The following GRID2 variants were observed in gnomAD, a reference collection of about 807,000 sequenced individuals.
GRID2 encodes glutamate receptor ionotropic, delta-2.
Under a neutral mutation model 114.8 loss-of-function variants are expected in GRID2, and 33 were observed. The ratio of observed to expected loss-of-function variants is 0.29; its 90% CI spans 0.22 to 0.38. The LOEUF is 0.38. GRID2 is among the 10% of genes least tolerant of loss of function. The pLI, the probability that GRID2 is intolerant of heterozygous loss-of-function variation, is 1.00. For synonymous variants in GRID2, 505 were observed against 449.9 expected, an observed-to-expected ratio of 1.12 and a Z score of -1.55; for missense variants, 1,184 against 1,257.7, an observed-to-expected ratio of 0.94 and a Z score of 0.89.
intron 14 of GRID2, among the ~76,000 whole-genome samples, chr4:93,658,337 C>T (rs1421487445): frequency 2.0e-5 from 3 of 152,122 alleles, no homozygotes; most frequent in Admixed American, 6.6e-5. Context: ...TATAAAATTA[C>T]AGGAATTTTA....
chr4:93,763,993 C>T (rs1005470843), intron 14 of GRID2, among the ~76,000 whole-genome samples: 3 of 152,060 alleles, frequency 2.0e-5, no homozygotes, highest in Non-Finnish European at 4.4e-5. Flanking sequence ...TCAGAGTGAC[C>T]TATGTGGGAT....
chr4:92,917,782 G>T (rs532603595), intron 2 of GRID2, among the ~76,000 whole-genome samples: 1 of 152,114 alleles, frequency 6.6e-6, no homozygotes, highest in Non-Finnish European at 1.5e-5. Flanking sequence ...GTCAGGTAGC[G>T]TGATGCCTCC....
chr4:93,722,072 C>T (rs1729426273), intron 14 of GRID2, among the ~76,000 whole-genome samples: 1 of 151,814 alleles, frequency 6.6e-6, no homozygotes, highest in Non-Finnish European at 1.5e-5. Context: ...GCATCCACCA[C>T]CACGCCGGGC....
intron 2 of GRID2, among the ~76,000 whole-genome samples, chr4:93,050,260 C>G (rs778057565): frequency 6.6e-6 from 1 of 151,968 alleles, no homozygotes; most frequent in South Asian, 2.1e-4. Context: ...AATAAAAGTT[C>G]CTGAAATCCT....
chr4:92,722,407 T>A (rs1351316168), intron 2 of GRID2, among the ~76,000 whole-genome samples: 19 of 151,884 alleles, frequency 1.3e-4, no homozygotes, highest in Non-Finnish European at 2.9e-5. Context: ...AGAAAAAAAA[T>A]AAAATGCCCT....
chr4:92,576,242 C>T (rs1727887301), intron 1 of GRID2, among the ~76,000 whole-genome samples: 1 of 152,208 alleles, frequency 6.6e-6, no homozygotes, highest in East Asian at 1.9e-4. Flanking sequence ...CAGCCATGTT[C>T]TGGCAAAGCA....
At chr4:93,112,503 C>G (rs1171731593) in intron 4 of GRID2, among the ~76,000 whole-genome samples, 1 of 152,110 alleles carries the variant, frequency 6.6e-6, no homozygotes, top group East Asian at 1.9e-4. Flanking sequence ...CTCCTGCCTC[C>G]TTGTGAAGAA....
intron 2 of GRID2, among the ~76,000 whole-genome samples, chr4:92,754,516 G>C (rs1737614763): frequency 6.6e-6 from 1 of 152,106 alleles, no homozygotes; most frequent in African/African-American, 2.4e-5. Flanking sequence ...CCTCATTTGT[G>C]AAATGGCAGT....
At position 92,729,499 on chromosome 4, in the gene GRID2, C is replaced by G. The variant is rs559057810; in HGVS notation, c.244+139213C>G. 8.5e-5 allele frequency among the ~76,000 whole-genome samples: 13 copies of G among 152,116 alleles called. No individual in the cohort carries two copies. In the South Asian group the frequency reaches 2.3e-3, roughly 27 times the overall value. ...TGGCTCAAATAACATTTCAAAGTCA[C>G]TTCTATGGGATAAGAAGCATGTTTT... On this transcript the variant is annotated intron_variant, in intron 2 of 15. Transcript: ENST00000282020.
In GRID2 at chr4:93,041,419, G is replaced by C. The variant is rs940747905; in HGVS notation, c.245-43576G>C. 5.9e-5 allele frequency among the ~76,000 whole-genome samples: 9 copies of C among 152,160 alleles called. 1 individual carries two copies. The East Asian group carries it at 1.2e-3, about 20-fold the overall frequency. On this transcript the variant is annotated intron_variant, in intron 2 of 15. Transcript: ENST00000282020. ...TTAAACTTGTTAATACCATTACTTA[G>C]GTTAGTGTCAACTGTCACTGGTTTC...
intron 6 of GRID2, among the ~76,000 whole-genome samples, chr4:93,219,081 T>G (rs2149485934): frequency 6.6e-6 from 1 of 152,274 alleles, no homozygotes; most frequent in Non-Finnish European, 1.5e-5. Flanking sequence ...AATATGCTTA[T>G]AATGTCCCAT....
intron 1 of GRID2, among the ~76,000 whole-genome samples, chr4:92,557,307 A>G (rs1726898957): frequency 6.6e-6 from 1 of 151,720 alleles, no homozygotes; most frequent in African/African-American, 2.4e-5. Flanking sequence ...TGTATTAAAT[A>G]AAATATTTTA....
At chr4:93,022,552 CTAGT>C (rs1265794395) in intron 2 of GRID2, among the ~76,000 whole-genome samples, 9 of 151,932 alleles carry the variant, frequency 5.9e-5, no homozygotes, top group Admixed American at 5.2e-4. Context: ...CAAGAAATTC[CTAGT>C]TAAAGAAACT....
intron 8 of GRID2, among the ~76,000 whole-genome samples, chr4:93,308,418 G>T (rs893223916): frequency 1.3e-5 from 2 of 152,074 alleles, no homozygotes; most frequent in African/African-American, 4.8e-5. Flanking sequence ...TAAAACAGCA[G>T]TTTTTTCTGA....
chr4:93,803,460 G>A (rs1487024270), intron 1 of GRID2, among the ~76,000 whole-genome samples: 5 of 151,854 alleles, frequency 3.3e-5, no homozygotes, highest in South Asian at 4.1e-4. Flanking sequence ...GCGGTGGCTC[G>A]CACCTGTAAT....
Position 93,248,319 on chromosome 4 carries a change from A to G in GRID2, c.1245+9829A>G, listed in dbSNP as rs377500672. ...ACTCCTTTAGCAAGATCTCATTGTC[A>G]TGATTTAATTTTAAGTGACAGATAG... is the stretch of plus-strand genomic sequence containing the variant. On this transcript the variant is annotated intron_variant, in intron 8 of 15. Transcript: ENST00000282020. Among the ~76,000 whole-genome samples the G allele has an allele frequency of 9.8e-5, 15 of 152,312 alleles. 1 individual carries two copies. The South Asian group carries it at 1.5e-3, about 15-fold the overall frequency.
At chr4:93,699,344 A>C (rs1727309229) in intron 14 of GRID2, among the ~76,000 whole-genome samples, 1 of 152,020 alleles carries the variant, frequency 6.6e-6, no homozygotes, top group African/African-American at 2.4e-5. Flanking sequence ...TAAAAATATA[A>C]ATAGCCATAA....
intron 2 of GRID2, among the ~76,000 whole-genome samples, chr4:92,778,534 A>C (rs1161836354): frequency 6.6e-6 from 1 of 152,104 alleles, no homozygotes; most frequent in East Asian, 1.9e-4. Flanking sequence ...GTTTTACGAC[A>C]TTGTGACAAG....
At chr4:92,863,150 T>C (rs1348628888) in intron 2 of GRID2, among the ~76,000 whole-genome samples, 4 of 152,146 alleles carry the variant, frequency 2.6e-5, no homozygotes, top group African/African-American at 9.7e-5. Context: ...GACTGAATTT[T>C]CATTTATCTT....
Sources: gnomAD v4.1 joint callset for allele counts (sites outside exome capture counted in the v4.1 genomes callset) on GRCh38, gnomAD v4.1.1 for gene constraint, MANE v1.5 for transcripts, NCBI Gene and HGNC (gene_info 2026-07-23, HGNC 2026-07-21) for gene names.